Variants in EDN1 observed in about 807,000 individuals in gnomAD.
The protein encoded by EDN1 is endothelin-1.
A neutral mutation model predicts 21.7 loss-of-function variants in EDN1; 11 were observed. The ratio of observed to expected loss-of-function variants is 0.51; its 90% confidence interval spans 0.32 to 0.84. EDN1 has a LOEUF of 0.84. EDN1 is among the 40% of genes least tolerant of loss of function. The pLI, the probability that EDN1 is intolerant of heterozygous loss-of-function variation, is 0.03. For synonymous variants in EDN1, 85 were observed against 90.6 expected, an observed-to-expected ratio of 0.94 and a Z score of 0.35; for missense variants, 244 against 262.3, an observed-to-expected ratio of 0.93 and a Z score of 0.48.
the EDN1 span, among the ~76,000 whole-genome samples, chr6:12,280,765 C>A: frequency 6.6e-6 from 1 of 152,044 alleles, no homozygotes; most frequent in Non-Finnish European, 1.5e-5. Flanking sequence ...TGGTGTCCTG[C>A]GCCTGTAATC....
chr6:12,251,555 C>T, the EDN1 span, among the ~76,000 whole-genome samples: 417 of 152,268 alleles, frequency 2.7e-3, 2 homozygotes, highest in South Asian at 6.6e-3. Flanking sequence ...GTTAAAGAAA[C>T]CAATAACTCA....
chr6:12,252,002 G>C, the EDN1 span, among the ~76,000 whole-genome samples: 1 of 152,244 alleles, frequency 6.6e-6, no homozygotes, highest in Admixed American at 6.5e-5. Flanking sequence ...CAAAAACTTG[G>C]TGTTATATTA....
chr6:12,239,747 A>G, the EDN1 span, among the ~76,000 whole-genome samples: 1 of 152,098 alleles, frequency 6.6e-6, no homozygotes, highest in East Asian at 1.9e-4. Flanking sequence ...GGTCTCTACA[A>G]AAAATACAAA....
chr6:12,290,367 GC>G lies in EDN1; in HGVS notation c.-261del, dbSNP rs1680535989. ...GCAGAGAGCTGTCCAAGTCAGACGC[GC>G]CTCTGCATCTGCGCCAGGCGAACGG... On this transcript the variant is annotated 5_prime_UTR_variant, in exon 1 of 5. Transcript: ENST00000379375. The G allele has an allele frequency of 3.8e-6, 2 of 530,802 alleles. No homozygotes were observed. Among genetic ancestry groups the G allele is most frequent in the African/African-American group, 3.8e-5 (2 of 52,304 alleles). The allele number at this position is 530,802 out of a possible 1,614,324, so 32.9% of individuals were successfully genotyped here. A position where few individuals can be genotyped will look rare whatever the true frequency, so the allele number is the denominator to read the frequency against.
the EDN1 span, among the ~76,000 whole-genome samples, chr6:12,232,086 GTATAT>G: frequency 3.9e-4 from 57 of 146,330 alleles, no homozygotes; most frequent in Admixed American, 1.8e-3. Flanking sequence ...CATATAATGT[GTATAT>G]TATAATTATA....
the EDN1 span, among the ~76,000 whole-genome samples, chr6:12,258,895 GC>G: frequency 6.6e-6 from 1 of 152,152 alleles, no homozygotes; most frequent in Non-Finnish European, 1.5e-5. Flanking sequence ...ACCCACAGGA[GC>G]AATCTAGTGA....
At chr6:12,269,767 C>CT in the EDN1 span, among the ~76,000 whole-genome samples, 2 of 151,582 alleles carry the variant, frequency 1.3e-5, no homozygotes, top group African/African-American at 4.8e-5. Flanking sequence ...CCTGTAGTTT[C>CT]TTTTTTTGGT....
chr6:12,290,615 T>A lies in EDN1; in HGVS notation c.-15T>A. 1 of 1,613,710 alleles carries A rather than the reference T, an allele frequency of 6.2e-7. No individual in the cohort carries two copies. The highest frequency in any genetic ancestry group is 1.1e-5 in the South Asian group (1 of 91,078). ...TTCAGTTTGAACGGGAGGTTTTTGA[T>A]CCCTTTTTTTCAGAATGGATTATTT... On this transcript the variant is annotated 5_prime_UTR_variant, in exon 1 of 5. Transcript: ENST00000379375.
chr6:12,234,394 T>C, the EDN1 span, among the ~76,000 whole-genome samples: 1 of 152,208 alleles, frequency 6.6e-6, no homozygotes, highest in Admixed American at 6.5e-5. Flanking sequence ...GAATCCCATG[T>C]TCCTGACACT....
chr6:12,282,919 C>T, the EDN1 span, among the ~76,000 whole-genome samples: 4 of 151,624 alleles, frequency 2.6e-5, no homozygotes, highest in African/African-American at 9.7e-5. Flanking sequence ...AGGGAAATAG[C>T]AATATCAATA....
At chr6:12,242,998 G>A in the EDN1 span, among the ~76,000 whole-genome samples, 1 of 152,058 alleles carries the variant, frequency 6.6e-6, no homozygotes, top group African/African-American at 2.4e-5. Context: ...AGGGATGGGG[G>A]CACCAACTCT....
intron 2 of EDN1, among the ~76,000 whole-genome samples, chr6:12,293,264 A>C (rs920745299): frequency 5.3e-5 from 8 of 152,186 alleles, no homozygotes; most frequent in African/African-American, 1.9e-4. Context: ...CACACCAAAA[A>C]CCACAAGGAG....
At position 12,296,666 on chromosome 6, in the gene EDN1, GA is replaced by G. The variant is rs1561696965; in HGVS notation, c.*601del. ...ACCTCACCTATATTGCACTCTGGCA[GA>G]AGTATTTCCCACATTTAATTATTGC... is the stretch of plus-strand genomic sequence containing the variant. On this transcript the variant is annotated 3_prime_UTR_variant, in exon 5 of 5. Coordinates refer to ENST00000379375, the MANE Select transcript of EDN1 (RefSeq NM_001955.5). 6.5e-6 allele frequency: 1 copy of G among 153,378 alleles called. No homozygotes were observed. Among genetic ancestry groups the G allele is most frequent in the Non-Finnish European group, 1.5e-5 (1 of 68,846 alleles). The allele number at this position is 153,378 out of a possible 1,614,324, so 9.5% of individuals were successfully genotyped here. A position where few individuals can be genotyped will look rare whatever the true frequency, so the allele number is the denominator to read the frequency against.
chr6:12,258,552 A>C, the EDN1 span, among the ~76,000 whole-genome samples: 1 of 151,964 alleles, frequency 6.6e-6, no homozygotes. Context: ...TAAATGTGAA[A>C]TATACTAGAC....
chr6:12,292,345 C>T lies in EDN1; in HGVS notation c.69C>T (p.Val23=). Residue 23 remains valine (V), a synonymous_variant, in exon 2 of 5, where the codon GTC becomes GTT. Transcript: ENST00000379375. ...ACCTGCTCTTTCTCTCCCCAGCAGT[C>T]TTAGGCGCTGAGCTCAGCGCGGTGG... ...VACQGAPETA[V]LGAELSAVGE... 1 of 1,614,038 alleles carries T rather than the reference C, an allele frequency of 6.2e-7. No individual in the cohort carries two copies. Among genetic ancestry groups the T allele is most frequent in the Non-Finnish European group, 8.5e-7 (1 of 1,180,024 alleles).
chr6:12,279,769 C>A, the EDN1 span, among the ~76,000 whole-genome samples: 1 of 152,208 alleles, frequency 6.6e-6, no homozygotes, highest in African/African-American at 2.4e-5. Context: ...TGTGGCTTAT[C>A]ATTCCTTTCA....
the EDN1 span, among the ~76,000 whole-genome samples, chr6:12,261,665 G>A: frequency 6.6e-6 from 1 of 152,230 alleles, no homozygotes; most frequent in Non-Finnish European, 1.5e-5. Flanking sequence ...TGTGGGAGAT[G>A]AGTAGATGCA....
chr6:12,282,449 A>C, the EDN1 span, among the ~76,000 whole-genome samples: 4 of 152,232 alleles, frequency 2.6e-5, no homozygotes, highest in Non-Finnish European at 5.9e-5. Context: ...CTTTGTAGCA[A>C]GATTATGTGC....
rs1255513609 is a variant in EDN1 at position 12,296,780 on chromosome 6, G to A, written c.*713G>A. 4 of 152,224 alleles carry A rather than the reference G, an allele frequency of 2.6e-5. No individual in the cohort carries two copies. The highest frequency in any genetic ancestry group is 6.5e-5 in the Admixed American group (1 of 15,296). 9.4% of individuals were successfully genotyped at this position (152,224 alleles called of 1,614,324 possible). ...CGTAGAAGTCTGGTCTAATGTGTCAGCAGTAGATATAATATTTTCATGGTA... is the reference window on the plus strand; with the variant it reads ...CGTAGAAGTCTGGTCTAATGTGTCAACAGTAGATATAATATTTTCATGGTA... On this transcript the variant is annotated 3_prime_UTR_variant, in exon 5 of 5. Coordinates refer to ENST00000379375, the MANE Select transcript of EDN1 (RefSeq NM_001955.5).
Sources: gnomAD v4.1 joint callset for allele counts (sites outside exome capture counted in the v4.1 genomes callset) on GRCh38, gnomAD v4.1.1 for gene constraint, MANE v1.5 for transcripts, NCBI Gene and HGNC (gene_info 2026-07-23, HGNC 2026-07-21) for gene names.